The following CACYBP variants were observed in gnomAD, a reference collection of about 807,000 sequenced individuals.
CACYBP encodes calcyclin-binding protein.
A neutral mutation model predicts 29.6 loss-of-function variants in CACYBP; 11 were observed. The observed-to-expected ratio is 0.37, with a 90% CI of 0.23 to 0.61. The LOEUF is 0.61. Ranked by LOEUF, CACYBP falls within the 20% of genes least tolerant of loss-of-function variation. The pLI is 0.65. For synonymous variants in CACYBP, 73 were observed against 88.3 expected, an observed-to-expected ratio of 0.83 and a Z score of 0.97; for missense variants, 163 against 260.7, an observed-to-expected ratio of 0.63 and a Z score of 2.58.
chr1:175,004,780 C>A lies in CACYBP; in HGVS notation c.182C>A (p.Ala61Asp), dbSNP rs1386772807. The A allele has an allele frequency of 6.2e-7, 1 of 1,613,588 alleles. No homozygotes were observed. Among genetic ancestry groups the A allele is most frequent in the East Asian group, 2.2e-5 (1 of 44,876 alleles). ...GAACTTCTTGATAATGAAAAACCAGCTGCTGTGGTTGCTCCCATTACAACG... is the reference window on the plus strand; with the variant it reads ...GAACTTCTTGATAATGAAAAACCAGATGCTGTGGTTGCTCCCATTACAACG... ...KAELLDNEKP[A>D]AVVAPITTGY... The change falls in exon 2 of 6, where the codon GCT becomes GAT. Residue 61 changes from alanine to aspartate, a missense_variant. Coordinates refer to ENST00000367679, the MANE Select transcript of CACYBP (RefSeq NM_014412.3).
chr1:175,008,289 C>T (rs914023504), intron 4 of CACYBP, among the ~76,000 whole-genome samples: 2 of 152,130 alleles, frequency 1.3e-5, no homozygotes, highest in African/African-American at 2.4e-5. Context: ...TGCCAACTGC[C>T]TTCTCCTGAC....
chr1:175,006,797 TC>T lies in CACYBP; in HGVS notation c.289del (p.His97IlefsTer21). 6.2e-7 allele frequency: 1 copy of T among 1,605,168 alleles called. No individual in the cohort carries two copies. Among genetic ancestry groups the T allele is most frequent in the Non-Finnish European group, 8.5e-7 (1 of 1,172,272 alleles). ...AAATCTACATTACCTTAACTGGAGT[TC>T]ATCAAGTTCCCACTGAGAATGTGCA... ...VKIYITLTGVHQVPTENVQVH... is the reference protein window; with the variant it reads ...VKIYITLTGVXQVPTENVQVH... On this transcript the variant is annotated frameshift_variant, in exon 3 of 6. Transcript: ENST00000367679. LOFTEE classifies it high-confidence loss of function.
At chr1:175,008,580 C>A in intron 4 of CACYBP, 29 bp from the exon 5 acceptor site, 1 of 956,540 alleles carries the variant, frequency 1.0e-6, no homozygotes, top group Non-Finnish European at 1.7e-6. Flanking sequence ...GTCTTCTAAG[C>A]TGTATTTGTT....
chr1:175,009,127 C>G (rs923821310), intron 5 of CACYBP, among the ~76,000 whole-genome samples: 2 of 152,146 alleles, frequency 1.3e-5, no homozygotes, highest in African/African-American at 4.8e-5. Context: ...TAGGTCAGTT[C>G]ATCTTCTAAA....
rs748470625 is a variant in CACYBP at position 175,007,207 on chromosome 1, CTTTT to C, written c.432+14_432+17del. The C allele has an allele frequency of 6.5e-7, 1 of 1,535,688 alleles. No homozygotes were observed. Among genetic ancestry groups the C allele is most frequent in the Non-Finnish European group, 9.0e-7 (1 of 1,111,518 alleles). ...AGGCAGTTCAAAAAAAGTGAGTGTG[CTTTT>C]TTTGATTGTAATATTGTGAAACCTT... On this transcript the variant is annotated intron_variant, in intron 4 of 5. Coordinates refer to ENST00000367679, the MANE Select transcript of CACYBP (RefSeq NM_014412.3).
At chr1:175,003,493 A>G (rs955421659) in intron 1 of CACYBP, among the ~76,000 whole-genome samples, 2 of 152,244 alleles carry the variant, frequency 1.3e-5, no homozygotes, top group African/African-American at 4.8e-5. Flanking sequence ...ATGAGATAAC[A>G]AAAGACTTGT....
intron 1 of CACYBP, chr1:175,000,513 G>T (rs1478041691): frequency 1.6e-6 from 2 of 1,274,308 alleles, no homozygotes. Context: ...TTTCTGCCCT[G>T]GTTTCCCAGC....
At chr1:175,003,011 A>G (rs1234363782) in intron 1 of CACYBP, among the ~76,000 whole-genome samples, 1 of 151,728 alleles carries the variant, frequency 6.6e-6, no homozygotes, top group African/African-American at 2.4e-5. Flanking sequence ...GAACTGAAAC[A>G]TTTTGGTTCT....
Position 175,007,116 on chromosome 1 carries a change from A to C in CACYBP, c.351A>C (p.Val117=), listed in dbSNP as rs757240575. 3.7e-6 allele frequency: 6 copies of C among 1,605,858 alleles called. No homozygotes were observed. The East Asian group carries it at 1.1e-4, about 30-fold the overall frequency. The change falls in exon 4 of 6, where the codon GTA becomes GTC. Residue 117 remains valine, a synonymous_variant. Coordinates refer to ENST00000367679, the MANE Select transcript of CACYBP (RefSeq NM_014412.3). ...GTTGCAGGTCATTTGATCTTTTGGT[A>C]AAGAATCTAAATGGGAAGAGTTACT... ...HFTERSFDLL[V]KNLNGKSYSM...
chr1:175,009,804 T>C (rs1672705205), intron 5 of CACYBP, 119 bp from the exon 6 acceptor site: 1 of 696,078 alleles, frequency 1.4e-6, no homozygotes, highest in Admixed American at 3.0e-5. Context: ...ATTGTAAATA[T>C]CTTTGGGTAC....
intron 1 of CACYBP, chr1:175,000,424 G>A (rs1672443108): frequency 3.6e-6 from 5 of 1,398,842 alleles, no homozygotes; most frequent in South Asian, 3.2e-5. Context: ...CTCGAGCGGG[G>A]GTGTGCGGCG....
At chr1:175,006,679 G>A (rs757638435) in intron 2 of CACYBP, 66 bp from the exon 3 acceptor site, 5 of 776,870 alleles carry the variant, frequency 6.4e-6, no homozygotes, top group Non-Finnish European at 6.8e-6. Context: ...TGAGCCATGT[G>A]CATTTGCTGT....
At chr1:174,999,828 G>C (rs1304299632), upstream of CACYBP, 2 of 440,524 alleles carry the variant, frequency 4.5e-6, no homozygotes, top group African/African-American at 2.2e-5. Flanking sequence ...TTGCCGGTTC[G>C]CTCGCGAGAC....
chr1:175,001,349 T>C (rs911446178), intron 1 of CACYBP, among the ~76,000 whole-genome samples: 1 of 152,240 alleles, frequency 6.6e-6, no homozygotes, highest in Admixed American at 6.5e-5. Context: ...TTTTTAACCA[T>C]TTTAAAGTGT....
intron 5 of CACYBP, 93 bp from the exon 6 acceptor site, chr1:175,009,830 A>T: frequency 1.1e-6 from 1 of 919,536 alleles, no homozygotes; most frequent in Non-Finnish European, 1.7e-6. Context: ...CTTCCTTCTT[A>T]TCCCTCTACT....
chr1:175,011,333 C>G lies in CACYBP; in HGVS notation c.*1254C>G, dbSNP rs1672751083. On this transcript the variant is annotated 3_prime_UTR_variant, in exon 6 of 6. Transcript: ENST00000367679. ...GCAGACACAATGCATATGAAAGTTA[C>G]AGAATATGGTAAAAGTGGGGTAAAG... 1 of 151,900 alleles carries G rather than the reference C, an allele frequency of 6.6e-6. No individual in the cohort carries two copies. The highest frequency in any genetic ancestry group is 2.4e-5 in the African/African-American group (1 of 41,318). The allele number at this position is 151,900 out of a possible 1,614,324, so 9.4% of individuals were successfully genotyped here.
intron 2 of CACYBP, 23 bp from the exon 3 acceptor site, chr1:175,006,722 C>G (rs1299233339): frequency 1.6e-6 from 2 of 1,255,564 alleles, no homozygotes; most frequent in African/African-American, 1.5e-5. Context: ...TACTTACGTC[C>G]CATCTTTTGT....
chr1:175,007,341 C>T (rs1040606956), intron 4 of CACYBP, 144 bp downstream of exon 4: 3 of 612,362 alleles, frequency 4.9e-6, no homozygotes, highest in African/African-American at 1.9e-5. Flanking sequence ...TGGGACATAG[C>T]CAGGCTTATT....
Position 175,011,872 on chromosome 1 carries a change from G to A in CACYBP, c.*1793G>A, listed in dbSNP as rs912886064. ...TAATCCCAACACCTTGGGAGGCCAA[G>A]GTGGGCGGATCACTTGAGGTCAGGA... is the stretch of plus-strand genomic sequence containing the variant. On this transcript the variant is annotated 3_prime_UTR_variant, in exon 6 of 6. Coordinates refer to ENST00000367679, the MANE Select transcript of CACYBP (RefSeq NM_014412.3). 2 of 152,252 alleles carry A rather than the reference G, an allele frequency of 1.3e-5. No individual in the cohort carries two copies. Among genetic ancestry groups the A allele is most frequent in the Non-Finnish European group, 2.9e-5 (2 of 68,068 alleles). The allele number at this position is 152,252 out of a possible 1,614,324, so 9.4% of individuals were successfully genotyped here. A position where few individuals can be genotyped will look rare whatever the true frequency, so the allele number is the denominator to read the frequency against.
Sources: allele counts gnomAD v4.1 joint callset (sites outside exome capture counted in the v4.1 genomes callset), GRCh38; gene constraint gnomAD v4.1.1; transcripts MANE v1.5; gene names NCBI Gene and HGNC (gene_info 2026-07-23, HGNC 2026-07-21).